Variants in ZYG11B observed in about 807,000 individuals in gnomAD.
ZYG11B encodes zyg-11 family member B, cell cycle regulator.
Under a neutral mutation model 82.4 loss-of-function variants are expected in ZYG11B, and 36 were observed. That is an observed-to-expected ratio of 0.44 (90% confidence interval 0.33 to 0.58). ZYG11B has a LOEUF of 0.58. ZYG11B is among the 20% of genes least tolerant of loss of function. The pLI is 0.02. For missense variants in ZYG11B, 552 were observed against 895.6 expected, an observed-to-expected ratio of 0.62 and a Z score of 4.90; for synonymous variants, 303 against 312.8, an observed-to-expected ratio of 0.97 and a Z score of 0.33.
intron 1 of ZYG11B, among the ~76,000 whole-genome samples, chr1:52,750,093 T>C (rs186077492): frequency 5.3e-5 from 8 of 152,254 alleles, no homozygotes; most frequent in Non-Finnish European, 1.0e-4. Context: ...TTTAAACTAT[T>C]TATTTTATTT....
At chr1:52,749,738 A>G (rs1157642190) in intron 1 of ZYG11B, among the ~76,000 whole-genome samples, 1 of 152,002 alleles carries the variant, frequency 6.6e-6, no homozygotes, top group African/African-American at 2.4e-5. Flanking sequence ...TTTTTATTAG[A>G]GACAGGGTTT....
chr1:52,756,185 AC>A (rs1372521664), intron 1 of ZYG11B, among the ~76,000 whole-genome samples: 1 of 152,012 alleles, frequency 6.6e-6, no homozygotes, highest in Non-Finnish European at 1.5e-5. Context: ...ACTGATTAGA[AC>A]CCCCTGCTGT....
chr1:52,779,969 A>G lies in ZYG11B; in HGVS notation c.1068A>G (p.Glu356=), dbSNP rs768363468. The G allele has an allele frequency of 6.2e-7, 1 of 1,613,900 alleles. No individual in the cohort carries two copies. Residue 356 remains glutamate (E), a synonymous_variant, in exon 4 of 14, where the codon GAA becomes GAG. Coordinates refer to ENST00000294353, the MANE Select transcript of ZYG11B (RefSeq NM_024646.3). ...FHLFSLTHVM[E]KTKPEILKLV... ...TTTTTAGTCTGACTCATGTGATGGAAAAAACAAAGCCAGAAATTTTAAAGG... is the reference window on the plus strand; with the variant it reads ...TTTTTAGTCTGACTCATGTGATGGAGAAAACAAAGCCAGAAATTTTAAAGG...
At position 52,821,505 on chromosome 1, in the gene ZYG11B, A is replaced by G. The variant is rs1645283549; in HGVS notation, c.2111A>G (p.His704Arg). ...CAGCATTTATACAACATCAAAGATC[A>G]TGAACATACTGATCCCCATGTCCAA... ...GLQHLYNIKDHEHTDPHVQQI... is the reference protein window; with the variant it reads ...GLQHLYNIKDREHTDPHVQQI... The change falls in exon 14 of 14, where the codon CAT (histidine) becomes CGT (arginine). Residue 704 changes from histidine (H) to arginine (R), a missense_variant. This residue lies in a region of ZYG11B where 127 missense variants were observed against 163.4 expected (regional missense o/e 0.78). Coordinates refer to ENST00000294353, the MANE Select transcript of ZYG11B (RefSeq NM_024646.3). 3.1e-6 allele frequency: 5 copies of G among 1,613,824 alleles called. No individual in the cohort carries two copies. Among genetic ancestry groups the G allele is most frequent in the Non-Finnish European group, 4.2e-6 (5 of 1,179,838 alleles).
chr1:52,787,523 G>A (rs1260933517), intron 5 of ZYG11B, among the ~76,000 whole-genome samples: 1 of 152,132 alleles, frequency 6.6e-6, no homozygotes, highest in Non-Finnish European at 1.5e-5. Context: ...TGAGTGGTAG[G>A]TACACCTACA....
At chr1:52,812,638 C>T (rs749174626) in intron 10 of ZYG11B, among the ~76,000 whole-genome samples, 1 of 152,084 alleles carries the variant, frequency 6.6e-6, no homozygotes, top group Non-Finnish European at 1.5e-5. Context: ...CTCCTGACCT[C>T]AGGTGATCTG....
At position 52,802,538 on chromosome 1, in the gene ZYG11B, A is replaced by G. The variant is rs1213667818; in HGVS notation, c.1695+399A>G. On this transcript the variant is annotated intron_variant, in intron 10 of 13. Coordinates refer to ENST00000294353, the MANE Select transcript of ZYG11B (RefSeq NM_024646.3). ...GCTAATTTTTGTATTTTTTGTAGAG[A>G]TGGGGTTTTGCCATGTTGCCCAGGA... is the stretch of plus-strand genomic sequence containing the variant. Among the ~76,000 whole-genome samples, 4 of 151,060 alleles carry G rather than the reference A, an allele frequency of 2.6e-5. No individual in the cohort carries two copies. The Admixed American group carries it at 2.7e-4, about 10-fold the overall frequency.
At chr1:52,803,193 T>C (rs191451174) in intron 10 of ZYG11B, among the ~76,000 whole-genome samples, 1,131 of 41,648 alleles carry the variant, frequency 0.027, 90 homozygotes, top group African/African-American at 0.088. Context: ...TATATACACA[T>C]ATATATATAT....
intron 4 of ZYG11B, among the ~76,000 whole-genome samples, chr1:52,780,430 C>T (rs1467556901): frequency 6.6e-6 from 1 of 152,034 alleles, no homozygotes; most frequent in Non-Finnish European, 1.5e-5. Context: ...AGATGGGTAG[C>T]TTGAGCCCAG....
intron 6 of ZYG11B, among the ~76,000 whole-genome samples, chr1:52,795,983 C>T (rs1645003271): frequency 6.6e-6 from 1 of 152,068 alleles, no homozygotes; most frequent in Non-Finnish European, 1.5e-5. Context: ...ACTTAAATTA[C>T]AACTATAATA....
intron 13 of ZYG11B, among the ~76,000 whole-genome samples, chr1:52,820,401 C>A (rs1197288886): frequency 6.6e-6 from 1 of 151,704 alleles, no homozygotes; most frequent in Non-Finnish European, 1.5e-5. Flanking sequence ...AACCCCAGCA[C>A]TTTGGGAGGC....
intron 1 of ZYG11B, among the ~76,000 whole-genome samples, chr1:52,745,653 C>G (rs12079830): frequency 0.041 from 5,881 of 145,052 alleles, 357 homozygotes; most frequent in African/African-American, 0.14. Flanking sequence ...CAACCTCTGC[C>G]TCCCGGTTCA....
intron 3 of ZYG11B, among the ~76,000 whole-genome samples, chr1:52,777,396 A>T (rs1205491403): frequency 1.3e-5 from 2 of 152,150 alleles, no homozygotes; most frequent in African/African-American, 4.8e-5. Context: ...GTCAACCATG[A>T]TACATCCCTT....
At chr1:52,801,699 C>A (rs1237218314) in intron 8 of ZYG11B, 120 bp from the exon 9 acceptor site, 2 of 767,354 alleles carry the variant, frequency 2.6e-6, no homozygotes, top group Non-Finnish European at 4.0e-6. Flanking sequence ...GTTATAAGTA[C>A]CTTTACAGGA....
At chr1:52,750,831 C>G (rs1342874293) in intron 1 of ZYG11B, among the ~76,000 whole-genome samples, 1 of 152,178 alleles carries the variant, frequency 6.6e-6, no homozygotes, top group Non-Finnish European at 1.5e-5. Flanking sequence ...GTACATTTAC[C>G]TCTTCTGAAC....
chr1:52,803,087 CAT>C lies in ZYG11B; in HGVS notation c.1695+958_1695+959del, dbSNP rs1232248742. 7.5e-4 allele frequency among the ~76,000 whole-genome samples: 17 copies of C among 22,544 alleles called. 2 individuals carry two copies. In the Admixed American group the frequency reaches 9.4e-3, roughly 12 times the overall value. The allele number at this position is 22,544 out of a possible 152,430, so 14.8% of individuals were successfully genotyped here. Reference sequence around the variant, plus strand: ...TTGCCACTATATATATATATATACACATATATATATACATATATATATATATA... The same window carrying C: ...TTGCCACTATATATATATATATACACATATATATACATATATATATATATA... On this transcript the variant is annotated intron_variant, in intron 10 of 13. Coordinates refer to ENST00000294353, the MANE Select transcript of ZYG11B (RefSeq NM_024646.3).
At chr1:52,817,097 C>T (rs567448135) in intron 13 of ZYG11B, among the ~76,000 whole-genome samples, 12 of 151,970 alleles carry the variant, frequency 7.9e-5, no homozygotes, top group East Asian at 1.9e-4. Context: ...CCACTGTGCC[C>T]GGCCAACTTA....
chr1:52,792,286 G>A (rs1449750071), intron 6 of ZYG11B, among the ~76,000 whole-genome samples: 2 of 152,196 alleles, frequency 1.3e-5, no homozygotes, highest in South Asian at 4.1e-4. Context: ...TAGAAGAGGT[G>A]TTAATGAAAT....
chr1:52,799,983 T>C (rs1195198843), intron 8 of ZYG11B, among the ~76,000 whole-genome samples: 4 of 151,980 alleles, frequency 2.6e-5, no homozygotes, highest in Non-Finnish European at 4.4e-5. Flanking sequence ...AATACAGTTA[T>C]TATGAAGATT....
Sources: allele counts gnomAD v4.1 joint callset (sites outside exome capture counted in the v4.1 genomes callset), GRCh38; gene constraint gnomAD v4.1.1; regional missense constraint gnomAD v4.1.1; transcripts MANE v1.5; gene names NCBI Gene and HGNC (gene_info 2026-07-23, HGNC 2026-07-21).